RGS6: variants seen among roughly 807,000 people sequenced by gnomAD.
RGS6 encodes regulator of G protein signaling 6.
Under a neutral mutation model 78.5 loss-of-function variants are expected in RGS6, and 30 were observed. That is an observed-to-expected ratio of 0.38 (90% CI 0.29 to 0.52). RGS6 has a LOEUF of 0.52. Ranked by LOEUF, RGS6 falls within the 20% of genes least tolerant of loss-of-function variation. The pLI is 0.85. For synonymous variants in RGS6, 206 were observed against 206.0 expected (o/e 1.00, Z 0.00); for missense variants, 495 against 609.7 (o/e 0.81, Z 1.98).
At chr14:72,058,811 T>A (rs1029431385) in intron 2 of RGS6, among the ~76,000 whole-genome samples, 3 of 152,224 alleles carry the variant, frequency 2.0e-5, no homozygotes, top group Non-Finnish European at 4.4e-5. Flanking sequence ...TTGTGAATAT[T>A]ATATTAGACT....
At chr14:72,319,843 A>G (rs1181551610) in intron 2 of RGS6, among the ~76,000 whole-genome samples, 1 of 152,202 alleles carries the variant, frequency 6.6e-6, no homozygotes, top group Non-Finnish European at 1.5e-5. Flanking sequence ...ACATCACAAT[A>G]TATCCCTGAA....
chr14:72,339,375 T>G (rs1231171285), intron 2 of RGS6, among the ~76,000 whole-genome samples: 1 of 152,192 alleles, frequency 6.6e-6, no homozygotes, highest in African/African-American at 2.4e-5. Context: ...TCCTGAACTG[T>G]GAGTAATAAA....
At chr14:72,083,252 A>G (rs1266951740) in intron 2 of RGS6, among the ~76,000 whole-genome samples, 4 of 152,172 alleles carry the variant, frequency 2.6e-5, no homozygotes, top group East Asian at 1.9e-4. Flanking sequence ...ACATAGATCA[A>G]CGGTTCCCAA....
chr14:72,449,096 C>T (rs1045329227), intron 3 of RGS6, among the ~76,000 whole-genome samples: 3 of 152,186 alleles, frequency 2.0e-5, no homozygotes, highest in African/African-American at 7.2e-5. Context: ...CCCAGAGGTG[C>T]AGCAGAGGCC....
intron 2 of RGS6, among the ~76,000 whole-genome samples, chr14:72,281,428 A>G (rs909990471): frequency 6.6e-6 from 1 of 152,106 alleles, no homozygotes; most frequent in Admixed American, 6.6e-5. Flanking sequence ...GGATTACAGG[A>G]ATGAGCCACC....
At chr14:71,930,815 T>C (rs36326), upstream of RGS6, among the ~76,000 whole-genome samples, 9,088 of 151,304 alleles carry the variant, frequency 0.06, 360 homozygotes, top group Non-Finnish European at 0.09. Flanking sequence ...AAACCCCATC[T>C]CTACTGAAAA....
intron 2 of RGS6, among the ~76,000 whole-genome samples, chr14:71,976,467 T>G (rs1276477549): frequency 6.9e-6 from 1 of 145,060 alleles, no homozygotes; most frequent in Non-Finnish European, 1.5e-5. Flanking sequence ...TGTGTCCATG[T>G]GATCTCATTG....
intron 2 of RGS6, among the ~76,000 whole-genome samples, chr14:72,134,038 C>G (rs1051231702): frequency 6.6e-6 from 1 of 152,192 alleles, no homozygotes; most frequent in African/African-American, 2.4e-5. Flanking sequence ...AGTTGTCATT[C>G]AAATTCAAAA....
chr14:72,562,639 CAGAA>C lies in RGS6; in HGVS notation c.*180_*183del, dbSNP rs1357950025. The C allele has an allele frequency of 6.5e-6, 10 of 1,533,056 alleles. No individual in the cohort carries two copies. The highest frequency in any genetic ancestry group is 1.2e-5 in the South Asian group (1 of 83,902). The allele number at this position is 1,533,056 out of a possible 1,614,324, so 95.0% of individuals were successfully genotyped here. On this transcript the variant is annotated 3_prime_UTR_variant, in exon 18 of 18. Transcript: ENST00000553525. Reference sequence around the variant, plus strand: ...AGACTCGGTGGGTGAATGGGGAGACCAGAAAGAAAGAGTCCACAGAGCCTGGGCT... The same window carrying C: ...AGACTCGGTGGGTGAATGGGGAGACCAGAAAGAGTCCACAGAGCCTGGGCT...
chr14:72,224,595 C>T (rs2047663312), intron 2 of RGS6, among the ~76,000 whole-genome samples: 1 of 152,062 alleles, frequency 6.6e-6, no homozygotes, highest in Non-Finnish European at 1.5e-5. Flanking sequence ...CATGGATATG[C>T]TCAACTTTAT....
At chr14:72,123,566 A>C (rs952789935) in intron 2 of RGS6, among the ~76,000 whole-genome samples, 19 of 152,232 alleles carry the variant, frequency 1.2e-4, no homozygotes, top group South Asian at 4.1e-4. Flanking sequence ...TGACTAGCAC[A>C]TTGGAAACCT....
At chr14:71,936,992 C>A (rs1161929240) in intron 1 of RGS6, among the ~76,000 whole-genome samples, 1 of 152,178 alleles carries the variant, frequency 6.6e-6, no homozygotes, top group African/African-American at 2.4e-5. Flanking sequence ...ATTTGTAGTC[C>A]CGCCTGGATT....
intron 2 of RGS6, among the ~76,000 whole-genome samples, chr14:72,259,392 A>G (rs527737868): frequency 1.3e-5 from 2 of 152,098 alleles, no homozygotes; most frequent in African/African-American, 4.8e-5. Context: ...ACTACATTTT[A>G]TTTCCTACTT....
intron 2 of RGS6, among the ~76,000 whole-genome samples, chr14:72,270,317 A>G (rs1048881530): frequency 6.6e-6 from 1 of 152,268 alleles, no homozygotes; most frequent in African/African-American, 2.4e-5. Flanking sequence ...GATGACAGTC[A>G]GAACAAATGG....
At chr14:72,199,341 G>T (rs1425449116) in intron 2 of RGS6, among the ~76,000 whole-genome samples, 1 of 152,194 alleles carries the variant, frequency 6.6e-6, no homozygotes, top group Non-Finnish European at 1.5e-5. Context: ...GTTGGTGTCA[G>T]AATTATAGAA....
chr14:72,439,381 T>C (rs2095087016), intron 3 of RGS6, among the ~76,000 whole-genome samples: 1 of 152,166 alleles, frequency 6.6e-6, no homozygotes, highest in Admixed American at 6.5e-5. Context: ...AATGGGCACA[T>C]GGGTGCAAAG....
chr14:72,364,012 A>C (rs1409429064), intron 3 of RGS6, among the ~76,000 whole-genome samples: 27 of 149,758 alleles, frequency 1.8e-4, no homozygotes, highest in Non-Finnish European at 1.5e-5. Context: ...AAAAAAAAAA[A>C]AAAAAAAAAA....
intron 2 of RGS6, among the ~76,000 whole-genome samples, chr14:72,129,637 G>C (rs1403052076): frequency 6.6e-6 from 1 of 152,160 alleles, no homozygotes; most frequent in Non-Finnish European, 1.5e-5. Flanking sequence ...GGGATGTTGG[G>C]CTGTCTCCTT....
intron 1 of RGS6, among the ~76,000 whole-genome samples, chr14:71,945,605 A>C (rs976862592): frequency 6.6e-6 from 1 of 152,228 alleles, no homozygotes; most frequent in African/African-American, 2.4e-5. Context: ...ATATGGGGTC[A>C]TCTGACTCAT....
Sources: allele counts gnomAD v4.1 joint callset (sites outside exome capture counted in the v4.1 genomes callset), GRCh38; gene constraint gnomAD v4.1.1; transcripts MANE v1.5; gene names NCBI Gene and HGNC (gene_info 2026-07-23, HGNC 2026-07-21).